ME1: variants seen among roughly 807,000 people sequenced by gnomAD.
The protein encoded by ME1 is malic enzyme 1, also known as NADP-dependent malic enzyme.
ME1 carries 74 observed loss-of-function variants against 66.4 expected under a neutral mutation model. The ratio of observed to expected loss-of-function variants is 1.11; its 90% CI spans 0.92 to 1.35. ME1 has a LOEUF of 1.35. ME1 is among the 40% of genes most tolerant of loss of function. ME1 has a pLI of 0.00. For synonymous variants in ME1, 251 were observed against 235.6 expected (o/e 1.07, Z -0.60); for missense variants, 750 against 694.1 (o/e 1.08, Z -0.90).
intron 9 of ME1, among the ~76,000 whole-genome samples, chr6:83,234,316 A>G (rs578159237): frequency 6.6e-6 from 1 of 152,158 alleles, no homozygotes; most frequent in South Asian, 2.1e-4. Context: ...TATTCCTACT[A>G]TTTACATGGT....
intron 3 of ME1, among the ~76,000 whole-genome samples, chr6:83,394,966 AAAGT>A (rs1207695835): frequency 1.3e-5 from 2 of 152,220 alleles, no homozygotes; most frequent in Non-Finnish European, 2.9e-5. Flanking sequence ...CTCAATTTAG[AAAGT>A]AATATTCTCA....
intron 10 of ME1, among the ~76,000 whole-genome samples, chr6:83,227,958 A>G (rs1396225097): frequency 6.6e-6 from 1 of 152,242 alleles, no homozygotes; most frequent in Non-Finnish European, 1.5e-5. Flanking sequence ...AATGGAAATG[A>G]AAAACAATAA....
chr6:83,381,706 G>A lies in ME1; in HGVS notation c.362+16661C>T, dbSNP rs141019980. On this transcript the variant is annotated intron_variant, in intron 3 of 13. Transcript: ENST00000369705. The stretch of plus-strand genomic sequence containing the variant: ...GATTTCCTTGCTCCATATCTTAAGA[G>A]GATCAAGTGCATTCAAAGCAATTAA... Among the ~76,000 whole-genome samples, 1,445 of 152,172 alleles carry A rather than the reference G, an allele frequency of 9.5e-3. 99 individuals carry two copies. The highest frequency in any genetic ancestry group is 0.086 in the Admixed American group (1,315 of 15,266).
intron 6 of ME1, among the ~76,000 whole-genome samples, chr6:83,290,704 TAA>T (rs1767485191): frequency 6.6e-6 from 1 of 152,196 alleles, no homozygotes; most frequent in Admixed American, 6.5e-5. Context: ...CTTGTTGATC[TAA>T]TATTGACAGT....
At chr6:83,289,725 AC>A (rs1345429028) in intron 6 of ME1, among the ~76,000 whole-genome samples, 3 of 152,038 alleles carry the variant, frequency 2.0e-5, no homozygotes, top group Admixed American at 2.0e-4. Flanking sequence ...TCCTCTTTGT[AC>A]CTCTGGTAGA....
intron 3 of ME1, among the ~76,000 whole-genome samples, chr6:83,382,058 A>G (rs1769412683): frequency 6.7e-6 from 1 of 150,002 alleles, no homozygotes; most frequent in African/African-American, 2.5e-5. Context: ...CCTGATTTTC[A>G]CAAGCTGCTT....
At chr6:83,318,123 C>T (rs1452783550) in intron 5 of ME1, among the ~76,000 whole-genome samples, 32 of 150,902 alleles carry the variant, frequency 2.1e-4, no homozygotes, top group African/African-American at 6.8e-4. Flanking sequence ...AACTGGATCC[C>T]TTCCTTACAC....
At chr6:83,233,823 T>C (rs1203645561) in intron 9 of ME1, among the ~76,000 whole-genome samples, 2 of 151,906 alleles carry the variant, frequency 1.3e-5, no homozygotes, top group Non-Finnish European at 2.9e-5. Context: ...GAAAATGGGA[T>C]TACACTAATT....
intron 5 of ME1, among the ~76,000 whole-genome samples, chr6:83,344,934 C>T (rs1485354189): frequency 6.6e-6 from 1 of 151,384 alleles, no homozygotes; most frequent in African/African-American, 2.4e-5. Flanking sequence ...TATTTCAATG[C>T]AACTTATCAC....
intron 3 of ME1, among the ~76,000 whole-genome samples, chr6:83,389,055 G>A (rs1769569400): frequency 2.0e-5 from 3 of 152,106 alleles, no homozygotes; most frequent in Admixed American, 2.0e-4. Flanking sequence ...GGAGACAGAG[G>A]TTGCAGTGAG....
intron 1 of ME1, among the ~76,000 whole-genome samples, chr6:83,428,664 C>G (rs1770419172): frequency 6.6e-6 from 1 of 152,108 alleles, no homozygotes; most frequent in Non-Finnish European, 1.5e-5. Context: ...AAGAAAGTCC[C>G]ATAGCTGTAG....
intron 1 of ME1, among the ~76,000 whole-genome samples, chr6:83,427,092 T>A (rs549714118): frequency 6.6e-6 from 1 of 152,120 alleles, no homozygotes; most frequent in Admixed American, 6.5e-5. Context: ...ATAAAAAACA[T>A]TAAACATTAA....
At chr6:83,384,926 C>T (rs543498279) in intron 3 of ME1, among the ~76,000 whole-genome samples, 1 of 151,830 alleles carries the variant, frequency 6.6e-6, no homozygotes, top group South Asian at 2.1e-4. Context: ...TCAAAGATGA[C>T]CTGGTTGTGG....
intron 3 of ME1, among the ~76,000 whole-genome samples, chr6:83,372,650 G>A (rs1769210494): frequency 6.6e-6 from 1 of 152,192 alleles, no homozygotes; most frequent in South Asian, 2.1e-4. Flanking sequence ...ACACGACCAG[G>A]TAAGGCCTGC....
chr6:83,421,537 G>C (rs1178507708), intron 1 of ME1, among the ~76,000 whole-genome samples: 1 of 152,182 alleles, frequency 6.6e-6, no homozygotes, highest in East Asian at 1.9e-4. Flanking sequence ...AAGAAGATTA[G>C]AATCTAAAGT....
At chr6:83,241,868 A>G (rs1790515382) in intron 7 of ME1, among the ~76,000 whole-genome samples, 1 of 151,902 alleles carries the variant, frequency 6.6e-6, no homozygotes, top group Non-Finnish European at 1.5e-5. Context: ...ATTTATTTTT[A>G]TTTTTTTATT....
chr6:83,294,099 G>A (rs1055941431), intron 6 of ME1, among the ~76,000 whole-genome samples: 7 of 152,110 alleles, frequency 4.6e-5, no homozygotes, highest in African/African-American at 1.7e-4. Flanking sequence ...TTAAATATGG[G>A]ACATGGATGA....
At chr6:83,254,861 T>C (rs1265059091) in intron 6 of ME1, among the ~76,000 whole-genome samples, 1 of 152,154 alleles carries the variant, frequency 6.6e-6, no homozygotes, top group Non-Finnish European at 1.5e-5. Flanking sequence ...ATCAAAGCTA[T>C]AGTTACTTAT....
intron 6 of ME1, among the ~76,000 whole-genome samples, chr6:83,280,298 T>C (rs1767263664): frequency 6.6e-6 from 1 of 152,148 alleles, no homozygotes; most frequent in South Asian, 2.1e-4. Flanking sequence ...TTATAGTTTA[T>C]GGACAAGTGA....
Sources: allele counts gnomAD v4.1 joint callset (sites outside exome capture counted in the v4.1 genomes callset), GRCh38; gene constraint gnomAD v4.1.1; transcripts MANE v1.5; gene names NCBI Gene and HGNC (gene_info 2026-07-23, HGNC 2026-07-21).